Variants in CUBN observed in about 807,000 individuals in gnomAD.
CUBN encodes cubilin.
A neutral mutation model predicts 405.3 loss-of-function variants in CUBN; 282 were observed. The observed-to-expected ratio is 0.70, with a 90% CI of 0.63 to 0.77. The LOEUF (loss-of-function observed/expected upper bound fraction) is 0.77, where lower values mean the gene tolerates loss of function less well. CUBN is among the 30% of genes least tolerant of loss of function. The pLI, the probability that CUBN is intolerant of heterozygous loss-of-function variation, is 0.00. For missense variants in CUBN, 4,514 were observed against 4,475.2 expected (o/e 1.01, Z -0.25); for synonymous variants, 1,684 against 1,617.0 (o/e 1.04, Z -0.99).
chr10:17,043,704 G>T (rs568629332), intron 26 of CUBN, 123 bp downstream of exon 26: 8 of 1,334,652 alleles, frequency 6.0e-6, no homozygotes, highest in South Asian at 3.5e-5. Context: ...GAATTTGAAG[G>T]CCCACTCTAG....
intron 7 of CUBN, among the ~76,000 whole-genome samples, chr10:17,115,134 C>G (rs893304760): frequency 3.3e-5 from 5 of 151,514 alleles, no homozygotes; most frequent in Admixed American, 2.0e-4. Flanking sequence ...ATCCCAGCTA[C>G]TCAGGAGGCT....
In CUBN at chr10:16,982,441, C is replaced by A. The variant is rs779961049; in HGVS notation, c.4695+43G>T. On this transcript the variant is annotated intron_variant, in intron 31 of 66. Transcript: ENST00000377833. ...TATGCTTATATGGCAGTGTTTTGAC[C>A]GAGGTTTGACTGGAGACAATGCTTG... is the stretch of plus-strand genomic sequence containing the variant. The A allele has an allele frequency of 2.6e-6, 4 of 1,555,944 alleles. No individual in the cohort carries two copies. The Admixed American group carries it at 6.7e-5, about 26-fold the overall frequency.
intron 58 of CUBN, among the ~76,000 whole-genome samples, chr10:16,872,349 C>CATACATAT (rs1554785649): frequency 2.0e-5 from 3 of 148,990 alleles, no homozygotes; most frequent in Non-Finnish European, 4.4e-5. Context: ...TGTATACATA[C>CATACATAT]ATATATATAT....
chr10:16,884,011 G>T (rs1840736439), intron 56 of CUBN, among the ~76,000 whole-genome samples: 2 of 152,010 alleles, frequency 1.3e-5, no homozygotes, highest in African/African-American at 4.8e-5. Flanking sequence ...ACAGAGTCTT[G>T]CTCTGTTGTC....
intron 43 of CUBN, 121 bp from the exon 44 acceptor site, chr10:16,920,258 T>C (rs1841998514): frequency 2.0e-6 from 2 of 1,023,558 alleles, no homozygotes; most frequent in Admixed American, 4.0e-5. Flanking sequence ...TCATCTGTTA[T>C]GATCCTCATT....
At chr10:17,075,679 C>T (rs1353416286) in intron 17 of CUBN, among the ~76,000 whole-genome samples, 1 of 152,136 alleles carries the variant, frequency 6.6e-6, no homozygotes, top group African/African-American at 2.4e-5. Context: ...GAGTCTGACA[C>T]AGACATGAAA....
intron 15 of CUBN, among the ~76,000 whole-genome samples, chr10:17,087,394 C>T (rs572520238): frequency 6.6e-6 from 1 of 151,368 alleles, no homozygotes; most frequent in Non-Finnish European, 1.5e-5. Context: ...CGGCTGATAC[C>T]TCTCCTCTCA....
At chr10:16,891,584 G>A (rs538846302) in intron 54 of CUBN, among the ~76,000 whole-genome samples, 41 of 152,260 alleles carry the variant, frequency 2.7e-4, no homozygotes, top group Admixed American at 7.8e-4. Flanking sequence ...GAAAATAGGA[G>A]TCAGAAAGGA....
chr10:17,014,234 A>G (rs1368257345), intron 28 of CUBN, among the ~76,000 whole-genome samples: 1 of 152,222 alleles, frequency 6.6e-6, no homozygotes, highest in African/African-American at 2.4e-5. Flanking sequence ...GGGTTGTCCC[A>G]TGAGTCTAAG....
chr10:17,087,996 A>G (rs1299255368), intron 15 of CUBN, among the ~76,000 whole-genome samples, 168 bp downstream of exon 15: 5 of 151,910 alleles, frequency 3.3e-5, no homozygotes, highest in Non-Finnish European at 5.9e-5. Flanking sequence ...AGCAACAAAC[A>G]GGCACAGTTA....
At chr10:17,075,918 A>T (rs903304253) in intron 17 of CUBN, among the ~76,000 whole-genome samples, 3 of 152,214 alleles carry the variant, frequency 2.0e-5, no homozygotes, top group Admixed American at 2.0e-4. Context: ...CATTAATTTT[A>T]AGGTACAGTA....
At chr10:16,975,306 T>C (rs943415103) in intron 31 of CUBN, among the ~76,000 whole-genome samples, 8 of 152,252 alleles carry the variant, frequency 5.3e-5, no homozygotes, top group Admixed American at 1.3e-4. Context: ...TGCTGCACTT[T>C]GTTAAGCCAA....
chr10:16,877,050 T>A lies in CUBN; in HGVS notation c.8953A>T (p.Ile2985Phe), dbSNP rs763969666. Residue 2985 changes from isoleucine (I) to phenylalanine (F), a missense_variant, in exon 57 of 67, where the codon ATC becomes TTC. Physicochemically the swap from Ile to Phe is conservative, Grantham distance 21 (BLOSUM62 0). Coordinates refer to ENST00000377833, the MANE Select transcript of CUBN (RefSeq NM_001081.4). ...GTGGACATGACGCTGTAACCTCTGATAATGTGCACGCCATCGTTGACACAG... is the reference window on the plus strand; with the variant it reads ...GTGGACATGACGCTGTAACCTCTGAAAATGTGCACGCCATCGTTGACACAG... ...GSCVNDGVHI[I>F]RGYSVMSTPF... The A allele has an allele frequency of 4.7e-5, 76 of 1,613,994 alleles. No homozygotes were observed. The highest frequency in any genetic ancestry group is 4.0e-4 in the South Asian group (36 of 91,084).
At chr10:17,050,178 G>T (rs1048518756) in intron 22 of CUBN, among the ~76,000 whole-genome samples, 2 of 151,968 alleles carry the variant, frequency 1.3e-5, no homozygotes, top group Non-Finnish European at 2.9e-5. Flanking sequence ...ACTCTATCCT[G>T]GTTGGCTGAG....
chr10:17,118,760 G>A (rs1564522544), intron 6 of CUBN, among the ~76,000 whole-genome samples: 2 of 152,156 alleles, frequency 1.3e-5, no homozygotes, highest in African/African-American at 4.8e-5. Context: ...AAACATAACA[G>A]GGTTAACAGG....
intron 28 of CUBN, among the ~76,000 whole-genome samples, chr10:17,003,686 A>G (rs530667123): frequency 6.6e-6 from 1 of 152,232 alleles, no homozygotes; most frequent in African/African-American, 2.4e-5. Context: ...TTGATCTAAT[A>G]TTTTCTGTGC....
intron 4 of CUBN, among the ~76,000 whole-genome samples, chr10:17,126,117 T>C (rs1039816851): frequency 6.6e-6 from 1 of 152,168 alleles, no homozygotes; most frequent in Non-Finnish European, 1.5e-5. Context: ...ATTCTTACAC[T>C]GGAATCCCCA....
At chr10:17,095,470 A>G (rs1836352896) in intron 14 of CUBN, among the ~76,000 whole-genome samples, 1 of 152,126 alleles carries the variant, frequency 6.6e-6, no homozygotes, top group Non-Finnish European at 1.5e-5. Context: ...TCTGAATAGA[A>G]AACATATAAA....
In CUBN at chr10:16,937,746, T is replaced by C; in HGVS notation, c.5772A>G (p.Gly1924=). 1 of 1,613,964 alleles carries C rather than the reference T, an allele frequency of 6.2e-7. No individual in the cohort carries two copies. Among genetic ancestry groups the C allele is most frequent in the South Asian group, 1.1e-5 (1 of 91,068 alleles). ...DGPSIHARLI[G]AYCGTQTESF... ...ATTCAGTCTGGGTACCACAGTAAGC[T>C]CCAATTAGGCGGGCGTGAATGCTAG... is the stretch of plus-strand genomic sequence containing the variant. Residue 1924 remains glycine (G), a synonymous_variant, in exon 39 of 67, where the codon GGA becomes GGG. Transcript: ENST00000377833.
Sources: gnomAD v4.1 joint callset for allele counts (sites outside exome capture counted in the v4.1 genomes callset) on GRCh38, gnomAD v4.1.1 for gene constraint, MANE v1.5 for transcripts, NCBI Gene and HGNC (gene_info 2026-07-23, HGNC 2026-07-21) for gene names.